DLG2: variants seen among roughly 807,000 people sequenced by gnomAD.
DLG2 encodes disks large homolog 2.
A neutral mutation model predicts 132.5 loss-of-function variants in DLG2; 45 were observed. The ratio of observed to expected loss-of-function variants is 0.34; its 90% CI spans 0.27 to 0.44. The LOEUF (loss-of-function observed/expected upper bound fraction) is 0.44, where lower values mean the gene tolerates loss of function less well. Among genes scored for constraint, DLG2 ranks in the 20% least tolerant of loss-of-function variants. The probability of loss-of-function intolerance (pLI) is 1.00; values close to 1 mark genes in which losing one functional copy is unlikely to be tolerated. For missense variants in DLG2, 1,045 were observed against 1,196.9 expected, an observed-to-expected ratio of 0.87 and a Z score of 1.87; for synonymous variants, 424 against 419.6, an observed-to-expected ratio of 1.01 and a Z score of -0.13.
intron 6 of DLG2, among the ~76,000 whole-genome samples, chr11:84,775,238 C>T (rs540631251): frequency 2.6e-5 from 4 of 152,172 alleles, no homozygotes; most frequent in African/African-American, 9.6e-5. Flanking sequence ...CCATCTCATA[C>T]CCATCAGAAT....
chr11:84,431,312 T>C (rs2098984026), intron 7 of DLG2, among the ~76,000 whole-genome samples: 1 of 152,186 alleles, frequency 6.6e-6, no homozygotes, highest in Admixed American at 6.5e-5. Context: ...TGTCTAATCA[T>C]AGTCACCTAC....
At chr11:85,517,397 C>T (rs1207063503) in intron 3 of DLG2, among the ~76,000 whole-genome samples, 1 of 152,106 alleles carries the variant, frequency 6.6e-6, no homozygotes, top group Non-Finnish European at 1.5e-5. Flanking sequence ...ACTTTCACCA[C>T]TCCTGTTCAA....
In DLG2 at chr11:84,603,854, A is replaced by G. The variant is rs150062721; in HGVS notation, c.358-69123T>C. On this transcript the variant is annotated intron_variant, in intron 6 of 27. Coordinates refer to ENST00000376104, the MANE Select transcript of DLG2 (RefSeq NM_001142699.3). ...CTCAGTGGCTTCAGCCTCTGCTCCC[A>G]TGGAGCTTATATTCTAGTAGGATCT... Among the ~76,000 whole-genome samples the G allele has an allele frequency of 1.3e-4, 20 of 152,078 alleles. No homozygotes were observed. The East Asian group carries it at 3.9e-3, about 29-fold the overall frequency.
At chr11:85,266,826 G>A (rs938374813) in intron 4 of DLG2, among the ~76,000 whole-genome samples, 1 of 152,106 alleles carries the variant, frequency 6.6e-6, no homozygotes, top group African/African-American at 2.4e-5. Flanking sequence ...AGAAACATTT[G>A]CTTCACAAGG....
At chr11:83,500,957 T>C (rs2094426548) in intron 21 of DLG2, among the ~76,000 whole-genome samples, 1 of 152,076 alleles carries the variant, frequency 6.6e-6, no homozygotes, top group Admixed American at 6.6e-5. Context: ...TAGGATTTCA[T>C]CATTAAGTTT....
chr11:84,638,551 T>C (rs1200428417), intron 6 of DLG2, among the ~76,000 whole-genome samples: 2 of 152,242 alleles, frequency 1.3e-5, no homozygotes, highest in Non-Finnish European at 2.9e-5. Context: ...TGAACTTCTT[T>C]GTCTGTCTGG....
chr11:84,553,367 A>G lies in DLG2; in HGVS notation c.358-18636T>C, dbSNP rs76324496. Reference sequence around the variant, plus strand: ...GTGAGCTCTGTTTTCAGTTGATAAGACTGATAAATGTTATCAACCTAAAAT... The same window carrying G: ...GTGAGCTCTGTTTTCAGTTGATAAGGCTGATAAATGTTATCAACCTAAAAT... On this transcript the variant is annotated intron_variant, in intron 6 of 27. Transcript: ENST00000376104. 2.7e-3 allele frequency among the ~76,000 whole-genome samples: 408 copies of G among 152,324 alleles called. 2 individuals carry two copies. Among genetic ancestry groups the G allele is most frequent in the African/African-American group, 9.2e-3 (381 of 41,570 alleles).
At chr11:84,211,444 T>A (rs1166898560) in intron 8 of DLG2, among the ~76,000 whole-genome samples, 1 of 152,186 alleles carries the variant, frequency 6.6e-6, no homozygotes, top group Non-Finnish European at 1.5e-5. Flanking sequence ...TGGGTCTTAC[T>A]ATGTTGCCCA....
chr11:84,279,013 A>G (rs2097821459), intron 7 of DLG2, among the ~76,000 whole-genome samples: 2 of 152,190 alleles, frequency 1.3e-5, no homozygotes, highest in Admixed American at 1.3e-4. Context: ...TGAAACTAGC[A>G]TCAGAGTAAA....
chr11:84,583,287 T>C (rs1349415567), intron 6 of DLG2, among the ~76,000 whole-genome samples: 10 of 152,164 alleles, frequency 6.6e-5, no homozygotes. Flanking sequence ...CTGCTCCCTC[T>C]CCCTGTTGCT....
chr11:84,134,194 A>G (rs191677425), intron 9 of DLG2, among the ~76,000 whole-genome samples: 25 of 152,128 alleles, frequency 1.6e-4, no homozygotes, highest in African/African-American at 5.8e-4. Flanking sequence ...GCGTGAAATG[A>G]CCTTGGGTGC....
At chr11:83,965,800 A>G (rs529008966) in intron 12 of DLG2, among the ~76,000 whole-genome samples, 1 of 152,104 alleles carries the variant, frequency 6.6e-6, no homozygotes, top group African/African-American at 2.4e-5. Context: ...GTGGAAGAAA[A>G]CTTAAAAAAG....
At chr11:84,789,632 C>G (rs2073492321) in intron 6 of DLG2, among the ~76,000 whole-genome samples, 1 of 152,024 alleles carries the variant, frequency 6.6e-6, no homozygotes, top group Non-Finnish European at 1.5e-5. Context: ...CCTTGCTGTG[C>G]TATCAAATAC....
chr11:84,508,073 T>G (rs1196666753), intron 7 of DLG2, among the ~76,000 whole-genome samples: 1 of 152,200 alleles, frequency 6.6e-6, no homozygotes, highest in Non-Finnish European at 1.5e-5. Context: ...ATCATTTTCC[T>G]CCCCTGATCA....
At chr11:83,676,796 G>A (rs1241373925) in intron 18 of DLG2, among the ~76,000 whole-genome samples, 1 of 152,116 alleles carries the variant, frequency 6.6e-6, no homozygotes, top group Non-Finnish European at 1.5e-5. Context: ...TGGCTGAGAA[G>A]GAATCACACT....
At chr11:83,738,284 T>G (rs2092172411) in intron 18 of DLG2, among the ~76,000 whole-genome samples, 1 of 152,134 alleles carries the variant, frequency 6.6e-6, no homozygotes, top group South Asian at 2.1e-4. Context: ...AATGCTGACA[T>G]TTACCAATTT....
chr11:83,733,206 A>G (rs1308067131), intron 18 of DLG2, among the ~76,000 whole-genome samples: 1 of 137,700 alleles, frequency 7.3e-6, no homozygotes, highest in Non-Finnish European at 1.5e-5. Flanking sequence ...ATGCCACTGC[A>G]CTCCAGCCTG....
intron 9 of DLG2, among the ~76,000 whole-genome samples, chr11:84,124,354 C>T (rs1284605913): frequency 6.6e-6 from 1 of 152,146 alleles, no homozygotes; most frequent in African/African-American, 2.4e-5. Context: ...AGCAGACTCC[C>T]CTTACCTCAC....
chr11:84,758,967 T>C (rs748410308), intron 6 of DLG2, among the ~76,000 whole-genome samples: 2 of 152,148 alleles, frequency 1.3e-5, no homozygotes, highest in Non-Finnish European at 2.9e-5. Context: ...AACCTCCACC[T>C]CCTGGATTCA....
Sources: gnomAD v4.1 joint callset for allele counts (sites outside exome capture counted in the v4.1 genomes callset) on GRCh38, gnomAD v4.1.1 for gene constraint, MANE v1.5 for transcripts, NCBI Gene and HGNC (gene_info 2026-07-23, HGNC 2026-07-21) for gene names.